PDE10A: variants seen among roughly 807,000 people sequenced by gnomAD.
The protein encoded by PDE10A is cAMP and cAMP-inhibited cGMP 3',5'-cyclic phosphodiesterase 10A.
PDE10A carries 39 observed loss-of-function variants against 97.7 expected under a neutral mutation model. The observed-to-expected ratio is 0.40, with a 90% CI of 0.31 to 0.52. The LOEUF (loss-of-function observed/expected upper bound fraction) is 0.52, where lower values mean the gene tolerates loss of function less well. Among genes scored for constraint, PDE10A ranks in the 20% least tolerant of loss-of-function variants. PDE10A has a pLI of 0.56. For synonymous variants in PDE10A, 371 were observed against 376.8 expected (o/e 0.98, Z 0.18); for missense variants, 731 against 1,047.8 (o/e 0.70, Z 4.17).
At chr6:165,666,149 G>C (rs1292680614), upstream of PDE10A, among the ~76,000 whole-genome samples, 2 of 152,110 alleles carry the variant, frequency 1.3e-5, no homozygotes, top group Non-Finnish European at 2.9e-5. Context: ...AACTAACATG[G>C]TTAATATTTT....
At chr6:165,470,784 C>T (rs1477039474) in intron 3 of PDE10A, among the ~76,000 whole-genome samples, 1 of 149,672 alleles carries the variant, frequency 6.7e-6, no homozygotes, top group African/African-American at 2.5e-5. Flanking sequence ...CTCTCTAAGC[C>T]CTTAAAGACT....
rs146912452 is a variant in PDE10A at position 165,559,225 on chromosome 6, T to C, written c.866-15657A>G. Among the ~76,000 whole-genome samples, 132 of 152,314 alleles carry C rather than the reference T, an allele frequency of 8.7e-4. 3 individuals carry two copies. In the East Asian group the frequency reaches 0.022, roughly 26 times the overall value. On this transcript the variant is annotated intron_variant, in intron 1 of 21. Transcript: ENST00000539869. ...TGGTTTGGGATCTGCTTAAATGTAG[T>C]TGCCCATAGGACGGCTATATGGTTA...
chr6:165,365,464 G>A (rs1035217500), intron 18 of PDE10A, among the ~76,000 whole-genome samples: 3 of 152,144 alleles, frequency 2.0e-5, no homozygotes, highest in Admixed American at 2.0e-4. Flanking sequence ...GGGAGGCTGG[G>A]GTGGGAAGAT....
intron 5 of PDE10A, among the ~76,000 whole-genome samples, chr6:165,440,359 TC>T (rs1463418790): frequency 2.6e-5 from 4 of 152,230 alleles, no homozygotes; most frequent in African/African-American, 9.6e-5. Flanking sequence ...AACTTAAGAT[TC>T]TTCTGCTCTT....
chr6:165,793,746 C>T (rs555153374), intron 1 of PDE10A, among the ~76,000 whole-genome samples: 4 of 152,206 alleles, frequency 2.6e-5, no homozygotes, highest in African/African-American at 9.6e-5. Flanking sequence ...GCCACTTTGC[C>T]TTCGGCTTGT....
chr6:165,775,471 G>A lies in PDE10A; in HGVS notation c.-615+212058C>T, dbSNP rs139078913. The A allele has an allele frequency of 3.9e-5, 6 of 152,226 alleles. No homozygotes were observed. In the East Asian group the frequency reaches 7.7e-4, roughly 20 times the overall value. The allele number at this position is 152,226 out of a possible 1,614,324, so 9.4% of individuals were successfully genotyped here. Reference sequence around the variant, plus strand: ...TTGGCAGCAGGATGAATGTTTGCTGGTCGTGAACTTTTCAAAGGTCATCAG... The same window carrying A: ...TTGGCAGCAGGATGAATGTTTGCTGATCGTGAACTTTTCAAAGGTCATCAG... On this transcript the variant is annotated intron_variant, in intron 1 of 19. Coordinates refer to the PDE10A transcript ENST00000366882.
At chr6:165,962,793 G>A (rs962278264) in intron 1 of PDE10A, among the ~76,000 whole-genome samples, 1 of 152,150 alleles carries the variant, frequency 6.6e-6, no homozygotes, top group Non-Finnish European at 1.5e-5. Flanking sequence ...GGCAGGAATG[G>A]CAGGACCATG....
intron 1 of PDE10A, chr6:165,947,221 C>G (rs150874080): frequency 6.6e-6 from 1 of 152,156 alleles, no homozygotes; most frequent in African/African-American, 2.4e-5. Flanking sequence ...TTCCTGTAAG[C>G]TGAAAATCAG....
At chr6:165,490,828 A>G (rs1341944213) in intron 2 of PDE10A, among the ~76,000 whole-genome samples, 1 of 152,076 alleles carries the variant, frequency 6.6e-6, no homozygotes, top group Non-Finnish European at 1.5e-5. Flanking sequence ...GGTGGCATAT[A>G]CCTGTAATCT....
At chr6:165,517,265 T>C (rs1475089032) in intron 2 of PDE10A, among the ~76,000 whole-genome samples, 1 of 152,156 alleles carries the variant, frequency 6.6e-6, no homozygotes, top group Non-Finnish European at 1.5e-5. Flanking sequence ...AGATGACATT[T>C]TTCACAAATA....
chr6:165,684,438 G>A (rs1263794533), intron 1 of PDE10A, among the ~76,000 whole-genome samples: 3 of 152,208 alleles, frequency 2.0e-5, no homozygotes, highest in East Asian at 3.9e-4. Flanking sequence ...AACGCCTCAG[G>A]TCTCACAATG....
Position 165,711,860 on chromosome 6 carries a change from G to A in PDE10A, c.-614-168292C>T, listed in dbSNP as rs1016006006. On this transcript the variant is annotated intron_variant, in intron 1 of 19. Coordinates refer to the PDE10A transcript ENST00000366882. This position sits in a 1 kb window ranked among gnomAD's most constrained non-coding sequence, Gnocchi z 4.5. ...TTAGCATAAACAGCGGGATGTAGGA[G>A]TGTGTTGGTTGGTTTTATTCTGCAT... Among the ~76,000 whole-genome samples, 2 of 152,206 alleles carry A rather than the reference G, an allele frequency of 1.3e-5. No individual in the cohort carries two copies. The highest frequency in any genetic ancestry group is 1.3e-4 in the Admixed American group (2 of 15,284).
At chr6:165,386,838 T>TA (rs1296726151) in intron 17 of PDE10A, among the ~76,000 whole-genome samples, 250 of 113,312 alleles carry the variant, frequency 2.2e-3, no homozygotes, top group Middle Eastern at 4.8e-3. Flanking sequence ...CCAGCTCTAC[T>TA]AAAAAAAAAA....
chr6:165,674,672 T>G (rs1790745688), intron 1 of PDE10A, among the ~76,000 whole-genome samples: 1 of 152,184 alleles, frequency 6.6e-6, no homozygotes, highest in South Asian at 2.1e-4. Flanking sequence ...GCCAATGGGC[T>G]TATCACAGAA....
At chr6:165,734,293 A>G (rs1197814973) in intron 1 of PDE10A, among the ~76,000 whole-genome samples, 1 of 152,102 alleles carries the variant, frequency 6.6e-6, no homozygotes, top group Non-Finnish European at 1.5e-5. Flanking sequence ...ACCTCCAGGA[A>G]CAGAGAAGAA....
rs1480731865 is a variant in PDE10A at position 165,339,370 on chromosome 6, G to A, written c.2896-12C>T. 2.7e-6 allele frequency: 4 copies of A among 1,481,194 alleles called. No homozygotes were observed. The highest frequency in any genetic ancestry group is 1.4e-5 in the African/African-American group (1 of 72,484). 91.8% of individuals were successfully genotyped at this position (1,481,194 alleles called of 1,614,324 possible). A position where few individuals can be genotyped will look rare whatever the true frequency, so the allele number is the denominator to read the frequency against. On this transcript the variant is annotated splice_polypyrimidine_tract_variant and intron_variant, in intron 19 of 21. Transcript: ENST00000539869. ...TTCATTTCATCACCCTAAGATGAAT[G>A]GGGAGAAAATCATGCTTTCTCAAAT...
At chr6:165,807,837 T>G (rs1452864179) in intron 1 of PDE10A, among the ~76,000 whole-genome samples, 1 of 152,168 alleles carries the variant, frequency 6.6e-6, no homozygotes, top group Admixed American at 6.5e-5. Context: ...TGATTGTTTT[T>G]GGAGTTAGGT....
At position 165,578,225 on chromosome 6, in the gene PDE10A, C is replaced by T. The variant is rs1183189801; in HGVS notation, c.866-34657G>A. Among the ~76,000 whole-genome samples the T allele has an allele frequency of 2.0e-5, 3 of 151,454 alleles. No individual in the cohort carries two copies. The East Asian group carries it at 5.9e-4, about 30-fold the overall frequency. The stretch of plus-strand genomic sequence containing the variant: ...TCAACAGACAGCAGCTTTTCTTCTT[C>T]TTTGGATGGCTGCACTCTCAAGAGT... On this transcript the variant is annotated intron_variant, in intron 1 of 21. Coordinates refer to ENST00000539869, the MANE Select transcript of PDE10A (RefSeq NM_001385079.1).
chr6:165,483,027 G>A (rs1779696331), intron 2 of PDE10A, among the ~76,000 whole-genome samples: 1 of 152,156 alleles, frequency 6.6e-6, no homozygotes, highest in African/African-American at 2.4e-5. Context: ...TATAAAACAA[G>A]CTGGCAGATA....
Sources: allele counts gnomAD v4.1 joint callset (sites outside exome capture counted in the v4.1 genomes callset), GRCh38; gene constraint gnomAD v4.1.1; non-coding constraint Gnocchi (gnomAD v3.1); transcripts MANE v1.5; gene names NCBI Gene and HGNC (gene_info 2026-07-23, HGNC 2026-07-21).